CFAP90: variants seen among roughly 807,000 people sequenced by gnomAD.
The protein encoded by CFAP90 is cilia and flagella associated protein 90.
At chr5:7,838,647 T>C in the CFAP90 span, among the ~76,000 whole-genome samples, 44 of 152,330 alleles carry the variant, frequency 2.9e-4, no homozygotes, top group African/African-American at 1.1e-3. Flanking sequence ...TTTTAAGGGA[T>C]TCAATAGTAG....
chr5:7,851,012 C>G, the CFAP90 span: 1 of 1,263,180 alleles, frequency 7.9e-7, no homozygotes, highest in Non-Finnish European at 1.0e-6. Flanking sequence ...TCCTCCTCGT[C>G]GTCCTCCATG....
At chr5:7,851,040 C>T in the CFAP90 span, 2 of 1,240,336 alleles carry the variant, frequency 1.6e-6, no homozygotes, top group Non-Finnish European at 2.0e-6. Flanking sequence ...CGTCCAGCGC[C>T]CCCGCCTTGG....
the CFAP90 span, among the ~76,000 whole-genome samples, chr5:7,844,084 T>C: frequency 1.3e-5 from 2 of 152,160 alleles, no homozygotes; most frequent in African/African-American, 4.8e-5. Context: ...CTCTCATAAA[T>C]GGGTTTGCAA....
At chr5:7,838,251 T>C in the CFAP90 span, among the ~76,000 whole-genome samples, 68,334 of 151,962 alleles carry the variant, frequency 0.45, 16,000 homozygotes, top group Admixed American at 0.57. Flanking sequence ...ATGAAAACAA[T>C]AGGAAAAATG....
At chr5:7,833,524 C>T in the CFAP90 span, among the ~76,000 whole-genome samples, 1 of 152,094 alleles carries the variant, frequency 6.6e-6, no homozygotes, top group Non-Finnish European at 1.5e-5. Context: ...TACACAAACA[C>T]ATGCACACAT....
At chr5:7,851,038 G>C in the CFAP90 span, 19 of 1,239,690 alleles carry the variant, frequency 1.5e-5, no homozygotes, top group Non-Finnish European at 1.9e-5. Flanking sequence ...ACCGTCCAGC[G>C]CCCCCGCCTT....
At chr5:7,844,558 A>C in the CFAP90 span, among the ~76,000 whole-genome samples, 1 of 152,336 alleles carries the variant, frequency 6.6e-6, no homozygotes, top group African/African-American at 2.4e-5. Context: ...CAACAAGATA[A>C]CTAAGGAAAA....
the CFAP90 span, chr5:7,850,812 C>T: frequency 1.3e-4 from 157 of 1,209,496 alleles, no homozygotes; most frequent in Middle Eastern, 2.2e-3. Flanking sequence ...GCCCAGCCGC[C>T]CAGCCGCCCA....
chr5:7,844,168 T>G, the CFAP90 span, among the ~76,000 whole-genome samples: 239 of 152,314 alleles, frequency 1.6e-3, 1 homozygote, highest in African/African-American at 5.5e-3. Flanking sequence ...AGGAAGATAT[T>G]CAGCCCCATT....
At chr5:7,834,925 G>C in the CFAP90 span, among the ~76,000 whole-genome samples, 2 of 151,920 alleles carry the variant, frequency 1.3e-5, no homozygotes, top group Non-Finnish European at 2.9e-5. Flanking sequence ...GTTAAGCAAG[G>C]CATGACTGTA....
At chr5:7,847,326 T>C in the CFAP90 span, among the ~76,000 whole-genome samples, 1 of 152,348 alleles carries the variant, frequency 6.6e-6, no homozygotes, top group African/African-American at 2.4e-5. Flanking sequence ...CTTGAATTTG[T>C]TTGTGACCTC....
chr5:7,851,079 C>G, the CFAP90 span: 4 of 1,234,760 alleles, frequency 3.2e-6, no homozygotes, highest in Non-Finnish European at 4.0e-6. Context: ...GCCCAGGGGC[C>G]CAGTCGGAGT....
At chr5:7,836,841 A>G in the CFAP90 span, among the ~76,000 whole-genome samples, 1 of 152,096 alleles carries the variant, frequency 6.6e-6, no homozygotes, top group African/African-American at 2.4e-5. Flanking sequence ...CGACTTCATC[A>G]AGTGCTTTGG....
the CFAP90 span, among the ~76,000 whole-genome samples, chr5:7,842,280 C>A: frequency 6.7e-6 from 1 of 149,958 alleles, no homozygotes; most frequent in Non-Finnish European, 1.5e-5. Flanking sequence ...TCACTCTCCA[C>A]CATAAGGTTG....
the CFAP90 span, among the ~76,000 whole-genome samples, chr5:7,839,158 C>T: frequency 0.32 from 48,539 of 151,972 alleles, 8,067 homozygotes; most frequent in Admixed American, 0.45. Flanking sequence ...CATTCACTAA[C>T]GCAGTAACAG....
the CFAP90 span, among the ~76,000 whole-genome samples, chr5:7,832,923 G>A: frequency 6.6e-6 from 1 of 152,220 alleles, no homozygotes; most frequent in African/African-American, 2.4e-5. Context: ...CACCACATGT[G>A]CTGGTTATGG....
the CFAP90 span, chr5:7,850,921 C>A: frequency 1.5e-6 from 2 of 1,360,658 alleles, no homozygotes; most frequent in Non-Finnish European, 1.9e-6. Context: ...GTCCAGGCGC[C>A]GCGGCGGGAT....
At chr5:7,830,824 A>C in the CFAP90 span, 1 of 152,352 alleles carries the variant, frequency 6.6e-6, no homozygotes, top group African/African-American at 2.4e-5. Context: ...CATTCATTAA[A>C]AATGTAGCTG....
At chr5:7,842,078 G>A in the CFAP90 span, among the ~76,000 whole-genome samples, 610 of 152,124 alleles carry the variant, frequency 4.0e-3, 5 homozygotes, top group Non-Finnish European at 6.3e-3. Context: ...CACCAAGTCC[G>A]TGGTACATTT....
Sources: gnomAD v4.1 joint callset for allele counts (sites outside exome capture counted in the v4.1 genomes callset) on GRCh38, gnomAD v4.1.1 for gene constraint, MANE v1.5 for transcripts, NCBI Gene and HGNC (gene_info 2026-07-23, HGNC 2026-07-21) for gene names.